Variants in MAML3 observed in about 807,000 individuals in gnomAD.
MAML3 encodes the protein mastermind like transcriptional coactivator 3.
A neutral mutation model predicts 101.9 loss-of-function variants in MAML3; 27 were observed. That is an observed-to-expected ratio of 0.27 (90% CI 0.20 to 0.37). The LOEUF is 0.37. Ranked by LOEUF, MAML3 falls within the 10% of genes least tolerant of loss-of-function variation. MAML3 has a pLI of 1.00. For missense variants in MAML3, 1,316 were observed against 1,444.9 expected, an observed-to-expected ratio of 0.91 and a Z score of 1.45; for synonymous variants, 501 against 555.9, an observed-to-expected ratio of 0.90 and a Z score of 1.39.
intron 2 of MAML3, among the ~76,000 whole-genome samples, chr4:139,820,596 A>C (rs1451565211): frequency 6.6e-6 from 1 of 152,196 alleles, no homozygotes; most frequent in Non-Finnish European, 1.5e-5. Context: ...ATCCAACCTC[A>C]AGTTATTTAC....
At position 139,718,294 on chromosome 4, in the gene MAML3, A is replaced by G. The variant is rs1205607803; in HGVS notation, c.*1029T>C. 3.3e-5 allele frequency: 5 copies of G among 152,236 alleles called. No homozygotes were observed. The highest frequency in any genetic ancestry group is 1.2e-4 in the African/African-American group (5 of 41,432). The allele number at this position is 152,236 out of a possible 1,614,324, so 9.4% of individuals were successfully genotyped here. A position where few individuals can be genotyped will look rare whatever the true frequency, so the allele number is the denominator to read the frequency against. On this transcript the variant is annotated 3_prime_UTR_variant, in exon 5 of 5. Transcript: ENST00000509479. The stretch of plus-strand genomic sequence containing the variant: ...CCAGTGTCGCCTTTGCATTTCAGGC[A>G]TTGTCTAAGTTCTTCCTGCATTTAT...
chr4:139,870,728 A>G lies in MAML3; in HGVS notation c.2079+18629T>C, dbSNP rs138812510. Among the ~76,000 whole-genome samples, 547 of 152,150 alleles carry G rather than the reference A, an allele frequency of 3.6e-3. 1 individual carries two copies. The highest frequency in any genetic ancestry group is 5.1e-3 in the Non-Finnish European group (344 of 67,994). ...GCAATCACAGCTAACTGTACCCTCG[A>G]CCTCCTGGACTCAAGAGATCCTTCC... On this transcript the variant is annotated intron_variant, in intron 2 of 4. Transcript: ENST00000509479.
intron 2 of MAML3, among the ~76,000 whole-genome samples, chr4:139,827,528 G>C (rs893511930): frequency 6.6e-6 from 1 of 151,872 alleles, no homozygotes. Flanking sequence ...AATTACAAAG[G>C]ACTAGGGGGG....
chr4:140,082,881 T>C (rs569710710), intron 1 of MAML3, among the ~76,000 whole-genome samples: 8 of 152,120 alleles, frequency 5.3e-5, no homozygotes, highest in Admixed American at 5.2e-4. Context: ...CAGGGAAGGT[T>C]CTATTTACAA....
chr4:139,860,641 T>A (rs890543861), intron 2 of MAML3, among the ~76,000 whole-genome samples: 1 of 152,224 alleles, frequency 6.6e-6, no homozygotes, highest in Non-Finnish European at 1.5e-5. Flanking sequence ...ATCAATCTTC[T>A]GAGCTCTGGC....
chr4:139,863,011 G>A (rs1318281614), intron 2 of MAML3, among the ~76,000 whole-genome samples: 2 of 151,880 alleles, frequency 1.3e-5, no homozygotes, highest in African/African-American at 2.4e-5. Flanking sequence ...TTAGCTGGGC[G>A]TGGTGGCAGG....
rs11379402 is a variant in MAML3 at position 139,909,836 on chromosome 4, CAAAAAA to C, written c.469-18875_469-18870del. Among the ~76,000 whole-genome samples, 6 of 58,734 alleles carry C rather than the reference CAAAAAA, an allele frequency of 1.0e-4. 1 individual carries two copies. Among genetic ancestry groups the C allele is most frequent in the South Asian group, 8.2e-4 (1 of 1,218 alleles). 38.5% of individuals were successfully genotyped at this position (58,734 alleles called of 152,430 possible). On this transcript the variant is annotated intron_variant, in intron 1 of 4. Transcript: ENST00000509479. ...TGGGCCACAGAGTGCGATGCCGTCT[CAAAAAA>C]AAAAAAAAAAAAAAAAGATAAGGCC... is the stretch of plus-strand genomic sequence containing the variant.
intron 1 of MAML3, among the ~76,000 whole-genome samples, chr4:140,041,268 T>C (rs890601489): frequency 2.0e-5 from 3 of 152,116 alleles, no homozygotes; most frequent in African/African-American, 7.2e-5. Flanking sequence ...ATGCCTTTGC[T>C]AGCTCAGACT....
chr4:139,827,237 T>C (rs918477428), intron 2 of MAML3, among the ~76,000 whole-genome samples: 6 of 152,190 alleles, frequency 3.9e-5, no homozygotes, highest in Admixed American at 2.0e-4. Context: ...AAAAACGGCA[T>C]TGGATTTCAA....
At chr4:140,023,141 A>G (rs1369599338) in intron 1 of MAML3, among the ~76,000 whole-genome samples, 2 of 152,186 alleles carry the variant, frequency 1.3e-5, no homozygotes, top group Non-Finnish European at 2.9e-5. Flanking sequence ...CCTAACCCCT[A>G]TTCACATCTT....
intron 1 of MAML3, among the ~76,000 whole-genome samples, chr4:139,907,066 C>A (rs560632648): frequency 6.6e-6 from 1 of 152,220 alleles, no homozygotes; most frequent in African/African-American, 2.4e-5. Flanking sequence ...ACTGACCACA[C>A]TGCCAGATTT....
chr4:139,821,895 C>T (rs1578616999), intron 2 of MAML3, among the ~76,000 whole-genome samples: 1 of 152,208 alleles, frequency 6.6e-6, no homozygotes, highest in Non-Finnish European at 1.5e-5. Context: ...CATCCAAGAA[C>T]TACTTACTTT....
At chr4:139,810,357 AT>A (rs1182245908) in intron 2 of MAML3, among the ~76,000 whole-genome samples, 1 of 151,824 alleles carries the variant, frequency 6.6e-6, no homozygotes, top group Non-Finnish European at 1.5e-5. Flanking sequence ...CACCCAGCTA[AT>A]TTTAAAATTT....
intron 1 of MAML3, among the ~76,000 whole-genome samples, chr4:140,136,761 C>G (rs1728889926): frequency 6.6e-6 from 1 of 151,964 alleles, no homozygotes; most frequent in Non-Finnish European, 1.5e-5. Flanking sequence ...TATGAGCCAC[C>G]AAAGGGAAAG....
intron 2 of MAML3, among the ~76,000 whole-genome samples, chr4:139,825,612 T>G (rs1241574242): frequency 6.6e-6 from 1 of 152,148 alleles, no homozygotes; most frequent in Non-Finnish European, 1.5e-5. Flanking sequence ...AGCTTCCTCC[T>G]GCAAGGCACG....
intron 2 of MAML3, among the ~76,000 whole-genome samples, chr4:139,886,713 G>A (rs1277076141): frequency 6.6e-6 from 1 of 151,962 alleles, no homozygotes; most frequent in African/African-American, 2.4e-5. Flanking sequence ...GTAACACCAT[G>A]AGCATAATCT....
chr4:139,894,006 ACT>A (rs1732555527), intron 1 of MAML3, among the ~76,000 whole-genome samples: 4 of 151,972 alleles, frequency 2.6e-5, no homozygotes, highest in Admixed American at 2.6e-4. Context: ...CCACTCGGGT[ACT>A]CTCTTATTCT....
intron 1 of MAML3, among the ~76,000 whole-genome samples, chr4:139,924,372 T>TA (rs1733181998): frequency 6.6e-6 from 1 of 152,238 alleles, no homozygotes; most frequent in Admixed American, 6.5e-5. Flanking sequence ...ATTAAGAAGG[T>TA]ATTTTACCCT....
chr4:139,883,747 A>C (rs72712511), intron 2 of MAML3, among the ~76,000 whole-genome samples: 40,596 of 151,972 alleles, frequency 0.27, 6,393 homozygotes, highest in East Asian at 0.58. Context: ...ACTGTTTCTC[A>C]TCAAAATCCC....
Sources: allele counts gnomAD v4.1 joint callset (sites outside exome capture counted in the v4.1 genomes callset), GRCh38; gene constraint gnomAD v4.1.1; transcripts MANE v1.5; gene names NCBI Gene and HGNC (gene_info 2026-07-23, HGNC 2026-07-21).